Variants in ALMS1 observed in about 807,000 individuals in gnomAD.
The protein encoded by ALMS1 is ALMS1 centrosome and basal body associated protein.
In ALMS1, 271 loss-of-function variants were observed where a neutral mutation model predicts 352.2. That is an observed-to-expected ratio of 0.77 (90% confidence interval 0.70 to 0.85). The LOEUF is 0.85. Ranked by LOEUF, ALMS1 falls within the 40% of genes least tolerant of loss-of-function variation. The pLI, the probability that ALMS1 is intolerant of heterozygous loss-of-function variation, is 0.00. For missense variants in ALMS1, 5,445 were observed against 4,870.7 expected (o/e 1.12, Z -3.51); for synonymous variants, 1,865 against 1,761.2 (o/e 1.06, Z -1.48).
intron 9 of ALMS1, among the ~76,000 whole-genome samples, chr2:73,472,657 A>C (rs1198850539): frequency 6.6e-6 from 1 of 152,076 alleles, no homozygotes; most frequent in East Asian, 1.9e-4. Flanking sequence ...ACAGAACACT[A>C]TGGCACCTTA....
At chr2:73,565,709 C>A (rs1012219883) in intron 15 of ALMS1, among the ~76,000 whole-genome samples, 3 of 152,144 alleles carry the variant, frequency 2.0e-5, no homozygotes, top group African/African-American at 7.2e-5. Flanking sequence ...ATAGTATGTA[C>A]CCTTAATATG....
chr2:73,607,245 A>C (rs1355559223), intron 21 of ALMS1, among the ~76,000 whole-genome samples: 1 of 152,174 alleles, frequency 6.6e-6, no homozygotes, highest in African/African-American at 2.4e-5. Flanking sequence ...AACCTTTCCT[A>C]TGACACTAAA....
chr2:73,559,790 C>T (rs1212955991), intron 15 of ALMS1, among the ~76,000 whole-genome samples: 2 of 152,138 alleles, frequency 1.3e-5, no homozygotes, highest in African/African-American at 2.4e-5. Context: ...AAAGGATAGT[C>T]TCTTCAACAA....
chr2:73,575,663 C>G (rs1241844297), intron 16 of ALMS1, among the ~76,000 whole-genome samples: 1 of 152,046 alleles, frequency 6.6e-6, no homozygotes, highest in Admixed American at 6.6e-5. Context: ...CATTTTAAAT[C>G]TGGCTGTTTG....
At chr2:73,543,013 A>G (rs1158073260) in intron 12 of ALMS1, among the ~76,000 whole-genome samples, 1 of 152,150 alleles carries the variant, frequency 6.6e-6, no homozygotes, top group Non-Finnish European at 1.5e-5. Context: ...GGAAAAAACG[A>G]CTTTTAAAGT....
intron 7 of ALMS1, among the ~76,000 whole-genome samples, chr2:73,444,757 G>A (rs1200894346): frequency 6.6e-6 from 1 of 152,140 alleles, no homozygotes; most frequent in Non-Finnish European, 1.5e-5. Flanking sequence ...GTCCACTGTG[G>A]TAATAAGGGT....
chr2:73,463,182 T>A (rs1320782696), intron 9 of ALMS1, among the ~76,000 whole-genome samples: 1 of 152,144 alleles, frequency 6.6e-6, no homozygotes, highest in Admixed American at 6.6e-5. Flanking sequence ...CCGCACCTAT[T>A]CCAAAACTGA....
chr2:73,395,657 A>C (rs1351470533), intron 1 of ALMS1, among the ~76,000 whole-genome samples: 1 of 152,012 alleles, frequency 6.6e-6, no homozygotes, highest in Non-Finnish European at 1.5e-5. Context: ...ATCTCTTCTG[A>C]ACTTGTTTAT....
chr2:73,393,728 A>G (rs1670699528), intron 1 of ALMS1, among the ~76,000 whole-genome samples: 1 of 152,192 alleles, frequency 6.6e-6, no homozygotes, highest in African/African-American at 2.4e-5. Context: ...ACCCTTGTAG[A>G]AAATCAGTTA....
chr2:73,578,734 A>G (rs1390397882), intron 16 of ALMS1, among the ~76,000 whole-genome samples: 1 of 152,150 alleles, frequency 6.6e-6, no homozygotes, highest in African/African-American at 2.4e-5. Context: ...ATAGTCACAG[A>G]TTACATCTTC....
chr2:73,395,458 A>G (rs1187644571), intron 1 of ALMS1, among the ~76,000 whole-genome samples: 1 of 152,154 alleles, frequency 6.6e-6, no homozygotes, highest in Non-Finnish European at 1.5e-5. Context: ...ATACAACTGT[A>G]ATTAGATCTT....
intron 16 of ALMS1, among the ~76,000 whole-genome samples, chr2:73,594,972 C>A (rs781759195): frequency 6.6e-5 from 10 of 152,158 alleles, no homozygotes; most frequent in Non-Finnish European, 1.5e-4. Context: ...CACAACTTAC[C>A]ACCTTCCATT....
chr2:73,598,664 AC>A (rs1230548409), intron 16 of ALMS1, among the ~76,000 whole-genome samples: 1 of 151,832 alleles, frequency 6.6e-6, no homozygotes, highest in African/African-American at 2.4e-5. Flanking sequence ...AGATTACCAG[AC>A]CCCTCCCCTA....
rs769369547 is a variant in ALMS1, at chr2:73,455,289, G to T, written c.7668G>T (p.Leu2556Phe). 4 of 1,613,900 alleles carry T rather than the reference G, an allele frequency of 2.5e-6. No individual in the cohort carries two copies. The highest frequency in any genetic ancestry group is 2.5e-6 in the Non-Finnish European group (3 of 1,179,982). ...TTGGTCATGGAAGAACAACTGACTT[G>T]TCCAAGGTATAAAAGAAATCTGGAA... ...ELFGHGRTTD[L>F]SKGLQSPRGM... The change falls in exon 9 of 23, where the codon TTG (leucine) becomes TTT (phenylalanine). Residue 2556 changes from leucine (L) to phenylalanine (F), a missense_variant. Transcript: ENST00000613296.
chr2:73,448,610 G>A lies in ALMS1; in HGVS notation c.2083G>A (p.Val695Ile). The change falls in exon 8 of 23, where the codon GTC becomes ATC. Residue 695 changes from valine (V) to isoleucine (I), a missense_variant. Physicochemically the swap from Val to Ile is conservative, Grantham distance 29. Coordinates refer to ENST00000613296, the MANE Select transcript of ALMS1 (RefSeq NM_001378454.1). Reference sequence around the variant, plus strand: ...TCATCTAACTGATCAGGCTCTGAAAGTCTCAGCTGTGTCTGGACCAGCTGA... The same window carrying A: ...TCATCTAACTGATCAGGCTCTGAAAATCTCAGCTGTGTCTGGACCAGCTGA... ...DGHLTDQALK[V>I]SAVSGPADQK... is the part of the protein sequence containing the mutation. 1 of 1,613,792 alleles carries A rather than the reference G, an allele frequency of 6.2e-7. No individual in the cohort carries two copies. Among genetic ancestry groups the A allele is most frequent in the Non-Finnish European group, 8.5e-7 (1 of 1,179,912 alleles).
intron 16 of ALMS1, among the ~76,000 whole-genome samples, chr2:73,597,396 A>G (rs1321338423): frequency 6.6e-6 from 1 of 152,076 alleles, no homozygotes; most frequent in Non-Finnish European, 1.5e-5. Flanking sequence ...TCTTCCTTTC[A>G]ATCTGGATTC....
At chr2:73,576,618 CTTTTTCTTTTTT>C (rs1205926159) in intron 16 of ALMS1, among the ~76,000 whole-genome samples, 1 of 128,764 alleles carries the variant, frequency 7.8e-6, no homozygotes, top group Non-Finnish European at 1.5e-5. Context: ...TTTTCTTTTT[CTTTTTCTTTTTT>C]TTTTTTTGAG....
chr2:73,436,782 A>G (rs1401098559), intron 7 of ALMS1, among the ~76,000 whole-genome samples: 1 of 152,084 alleles, frequency 6.6e-6, no homozygotes, highest in Non-Finnish European at 1.5e-5. Context: ...TTGCCATCAT[A>G]CCTATCTTTA....
intron 1 of ALMS1, among the ~76,000 whole-genome samples, chr2:73,390,120 TAATATATAG>T (rs568500513): frequency 2.8e-4 from 42 of 152,342 alleles, no homozygotes; most frequent in African/African-American, 9.6e-4. Flanking sequence ...GAATATATGA[TAATATATAG>T]AATATATAGA....
Sources: allele counts gnomAD v4.1 joint callset (sites outside exome capture counted in the v4.1 genomes callset), GRCh38; gene constraint gnomAD v4.1.1; transcripts MANE v1.5; gene names NCBI Gene and HGNC (gene_info 2026-07-23, HGNC 2026-07-21).